Variants in CLEC4D observed in about 807,000 individuals in gnomAD.
CLEC4D encodes C-type (calcium dependent, carbohydrate-recognition domain) lectin, superfamily member 8.
CLEC4D carries 21 observed loss-of-function variants against 21.1 expected under a neutral mutation model. That is an observed-to-expected ratio of 1.00 (90% CI 0.71 to 1.43). The LOEUF (loss-of-function observed/expected upper bound fraction) is 1.43, where lower values mean the gene tolerates loss of function less well. Ranked by LOEUF, CLEC4D falls within the 40% of genes most tolerant of loss-of-function variation. The probability of loss-of-function intolerance (pLI) is 0.00; values close to 1 mark genes in which losing one functional copy is unlikely to be tolerated. For synonymous variants in CLEC4D, 85 were observed against 83.1 expected (o/e 1.02, Z -0.12); for missense variants, 289 against 260.7 (o/e 1.11, Z -0.75).
At chr12:8,518,071 T>A (rs1940405196) in intron 2 of CLEC4D, 93 bp from the exon 3 acceptor site, 1 of 577,218 alleles carries the variant, frequency 1.7e-6, no homozygotes, top group Non-Finnish European at 3.2e-6. Context: ...CCTTAATTAT[T>A]AGGATAAGAG....
At chr12:8,529,295 T>C in the CLEC4D span, among the ~76,000 whole-genome samples, 1 of 152,140 alleles carries the variant, frequency 6.6e-6, no homozygotes, top group Non-Finnish European at 1.5e-5. Flanking sequence ...AGGTGAATTA[T>C]GTCAGTACGC....
chr12:8,522,565 G>A (rs74059869), downstream of CLEC4D, among the ~76,000 whole-genome samples: 1 of 152,140 alleles, frequency 6.6e-6, no homozygotes, highest in African/African-American at 2.4e-5. Context: ...GTTAAAAGCT[G>A]ATACTTTTAG....
At chr12:8,523,404 G>A (rs768268073), downstream of CLEC4D, among the ~76,000 whole-genome samples, 4 of 152,182 alleles carry the variant, frequency 2.6e-5, no homozygotes, top group African/African-American at 9.6e-5. Flanking sequence ...CCTTGAAGAG[G>A]TCCTTCACAT....
At chr12:8,523,262 C>A (rs11046045), downstream of CLEC4D, among the ~76,000 whole-genome samples, 10,933 of 152,208 alleles carry the variant, frequency 0.072, 768 homozygotes, top group African/African-American at 0.18. Flanking sequence ...ATGGGAATAG[C>A]ATTGAATCTA....
chr12:8,521,086 A>T, intron 5 of CLEC4D, 38 bp from the exon 6 acceptor site: 1 of 1,600,454 alleles, frequency 6.2e-7, no homozygotes, highest in Non-Finnish European at 8.5e-7. Context: ...TTGTCTATAT[A>T]TACCTATAAA....
chr12:8,527,027 T>A (rs1037112422), downstream of CLEC4D, among the ~76,000 whole-genome samples: 1 of 152,148 alleles, frequency 6.6e-6, no homozygotes, highest in Non-Finnish European at 1.5e-5. Flanking sequence ...CTTGCAGATG[T>A]CACTCAAGGA....
the CLEC4D span, among the ~76,000 whole-genome samples, chr12:8,529,047 G>A: frequency 1.3e-5 from 2 of 151,964 alleles, no homozygotes; most frequent in African/African-American, 2.4e-5. Context: ...TAAGTGAATA[G>A]CATTTATATT....
intron 2 of CLEC4D, among the ~76,000 whole-genome samples, chr12:8,515,669 G>T (rs1416295296): frequency 6.6e-6 from 1 of 152,034 alleles, no homozygotes; most frequent in Non-Finnish European, 1.5e-5. Flanking sequence ...AGATAGACTG[G>T]CTTTGAAAAG....
chr12:8,521,448 G>C lies in CLEC4D; in HGVS notation c.*177G>C. On this transcript the variant is annotated 3_prime_UTR_variant, in exon 6 of 6. Transcript: ENST00000299665. ...CGAGACAACATGTGTGTATGTGTGTGTGTGTGTGTGTAGATAATGTGGTTT... is the reference window on the plus strand; with the variant it reads ...CGAGACAACATGTGTGTATGTGTGTCTGTGTGTGTGTAGATAATGTGGTTT... 2.3e-6 allele frequency: 3 copies of C among 1,286,946 alleles called. No homozygotes were observed. Among genetic ancestry groups the C allele is most frequent in the Non-Finnish European group, 3.0e-6 (3 of 991,102 alleles). 79.7% of individuals were successfully genotyped at this position (1,286,946 alleles called of 1,614,324 possible). A position where few individuals can be genotyped will look rare whatever the true frequency, so the allele number is the denominator to read the frequency against.
At chr12:8,526,226 T>C (rs1940504639), downstream of CLEC4D, among the ~76,000 whole-genome samples, 1 of 152,202 alleles carries the variant, frequency 6.6e-6, no homozygotes, top group Non-Finnish European at 1.5e-5. Flanking sequence ...AATTTGCATG[T>C]TGGCCTGTGT....
chr12:8,517,967 A>C (rs765207411), intron 2 of CLEC4D, among the ~76,000 whole-genome samples, 197 bp from the exon 3 acceptor site: 12 of 152,304 alleles, frequency 7.9e-5, no homozygotes, highest in African/African-American at 2.4e-4. Flanking sequence ...GGACAATATG[A>C]TAATAAAAAT....
intron 1 of CLEC4D, among the ~76,000 whole-genome samples, chr12:8,514,337 A>T (rs1940347460): frequency 6.6e-6 from 1 of 152,112 alleles, no homozygotes; most frequent in Non-Finnish European, 1.5e-5. Context: ...ATATATACTG[A>T]TTACATGCTT....
downstream of CLEC4D, among the ~76,000 whole-genome samples, chr12:8,523,957 C>T (rs1940486054): frequency 6.6e-6 from 1 of 152,064 alleles, no homozygotes; most frequent in Non-Finnish European, 1.5e-5. Flanking sequence ...TTGAGATAAC[C>T]ATGTGGTTTT....
At chr12:8,520,535 T>C (rs916366377) in intron 5 of CLEC4D, among the ~76,000 whole-genome samples, 194 bp downstream of exon 5, 2 of 152,194 alleles carry the variant, frequency 1.3e-5, no homozygotes, top group Admixed American at 1.3e-4. Flanking sequence ...AGTATTCTTA[T>C]TTGCACAATG....
chr12:8,513,893 C>A, intron 1 of CLEC4D, 133 bp downstream of exon 1: 1 of 595,084 alleles, frequency 1.7e-6, no homozygotes, highest in Non-Finnish European at 3.0e-6. Context: ...ATAAAAATGA[C>A]GTTGGTGAAG....
At chr12:8,524,028 C>T (rs749668269), downstream of CLEC4D, among the ~76,000 whole-genome samples, 207 of 152,302 alleles carry the variant, frequency 1.4e-3, 1 homozygote, top group African/African-American at 4.8e-3. Flanking sequence ...TTGAACCAAC[C>T]TTGCATCCCA....
chr12:8,520,985 A>C, intron 5 of CLEC4D, 139 bp from the exon 6 acceptor site: 1 of 1,066,090 alleles, frequency 9.4e-7, no homozygotes, highest in Non-Finnish European at 1.3e-6. Context: ...TAGTGAGTAT[A>C]GTATTAGTGC....
the CLEC4D span, among the ~76,000 whole-genome samples, chr12:8,528,071 C>G: frequency 6.6e-6 from 1 of 152,188 alleles, no homozygotes; most frequent in African/African-American, 2.4e-5. Flanking sequence ...GGTGAAGGAT[C>G]CACTCACTTA....
At chr12:8,515,832 T>G (rs998972506) in intron 2 of CLEC4D, among the ~76,000 whole-genome samples, 1 of 152,126 alleles carries the variant, frequency 6.6e-6, no homozygotes, top group Admixed American at 6.6e-5. Flanking sequence ...GTATACACCC[T>G]TGAAACCATC....
Sources: allele counts gnomAD v4.1 joint callset (sites outside exome capture counted in the v4.1 genomes callset), GRCh38; gene constraint gnomAD v4.1.1; transcripts MANE v1.5; gene names NCBI Gene and HGNC (gene_info 2026-07-23, HGNC 2026-07-21).